The following BRIP1 variants were observed in gnomAD, a reference collection of about 807,000 sequenced individuals.
BRIP1 encodes Fanconi anemia group J protein.
In BRIP1, 88 loss-of-function variants were observed where a neutral mutation model predicts 119.7. The observed-to-expected ratio is 0.74, with a 90% CI of 0.62 to 0.88. BRIP1 has a LOEUF of 0.88. Ranked by LOEUF, BRIP1 falls within the 40% of genes least tolerant of loss-of-function variation. The pLI is 0.00. For missense variants in BRIP1, 1,259 were observed against 1,455.4 expected (o/e 0.87, Z 2.20); for synonymous variants, 443 against 496.5 (o/e 0.89, Z 1.43).
rs2078356064 is a variant in BRIP1, at chr17:61,823,433, A to C, written c.628-14676T>G. Among the ~76,000 whole-genome samples, 1 of 152,244 alleles carries C rather than the reference A, an allele frequency of 6.6e-6. No homozygotes were observed. The highest frequency in any genetic ancestry group is 2.1e-4 in the South Asian group (1 of 4,832). ...GATAACTACATTACTTTACTTCTAC[A>C]GATGAAAACACAATAACTGAAAAGA... On this transcript the variant is annotated intron_variant, in intron 6 of 19. Coordinates refer to ENST00000259008, the MANE Select transcript of BRIP1 (RefSeq NM_032043.3). This position sits in a 1 kb window ranked among gnomAD's most constrained non-coding sequence, Gnocchi z 4.8.
At chr17:61,790,517 G>A (rs2077799315) in intron 10 of BRIP1, among the ~76,000 whole-genome samples, 1 of 152,122 alleles carries the variant, frequency 6.6e-6, no homozygotes, top group Non-Finnish European at 1.5e-5. Flanking sequence ...TTGCACTCCA[G>A]TCTGGGCAAC....
At chr17:61,819,296 C>A (rs2078285422) in intron 6 of BRIP1, among the ~76,000 whole-genome samples, 1 of 151,788 alleles carries the variant, frequency 6.6e-6, no homozygotes, top group South Asian at 2.1e-4. Flanking sequence ...TAGATTAGTA[C>A]AACCACTATC....
At position 61,823,796 on chromosome 17, in the gene BRIP1, A is replaced by ACACACACC. The variant is rs371160215; in HGVS notation, c.628-15040_628-15039insGGTGTGTG. Among the ~76,000 whole-genome samples the ACACACACC allele has an allele frequency of 0.015, 2,180 of 148,922 alleles. 27 individuals carry two copies. The highest frequency in any genetic ancestry group is 0.037 in the African/African-American group (1,472 of 40,024). On this transcript the variant is annotated intron_variant, in intron 6 of 19. Coordinates refer to ENST00000259008, the MANE Select transcript of BRIP1 (RefSeq NM_032043.3). The surrounding 1 kb of genome is among the most constrained non-coding windows in gnomAD (Gnocchi z 4.8). ...CACACACACACACACACACACACACACCTTAGTTGAATTGCTGAAAGCAGA... is the reference window on the plus strand; with the variant it reads ...CACACACACACACACACACACACACACACACACCCCTTAGTTGAATTGCTGAAAGCAGA...
rs1303368963 is a variant in BRIP1, at chr17:61,730,438, G to C, written c.2379+12575C>G. Among the ~76,000 whole-genome samples, 2 of 152,142 alleles carry C rather than the reference G, an allele frequency of 1.3e-5. No homozygotes were observed. The highest frequency in any genetic ancestry group is 1.9e-4 in the East Asian group (1 of 5,194). On this transcript the variant is annotated intron_variant, in intron 16 of 19. Coordinates refer to ENST00000259008, the MANE Select transcript of BRIP1 (RefSeq NM_032043.3). This position sits in a 1 kb window ranked among gnomAD's most constrained non-coding sequence, Gnocchi z 4.3. Reference sequence around the variant, plus strand: ...CAATCCCACCACTGCCCTTAAGGTAGAGCTGCTGATTATGCTCCATGCCAA... The same window carrying C: ...CAATCCCACCACTGCCCTTAAGGTACAGCTGCTGATTATGCTCCATGCCAA...
chr17:61,738,938 T>C lies in BRIP1; in HGVS notation c.2379+4075A>G, dbSNP rs1053642675. ...GATCCTTTCAGGCCTTGTTACTTTG[T>C]ACGTATAATATTTAGTACAACCTAG... On this transcript the variant is annotated intron_variant, in intron 16 of 19. Coordinates refer to ENST00000259008, the MANE Select transcript of BRIP1 (RefSeq NM_032043.3). The surrounding 1 kb of genome is among the most constrained non-coding windows in gnomAD (Gnocchi z 4.2). The C allele has an allele frequency of 1.3e-5, 2 of 153,310 alleles. No individual in the cohort carries two copies. The highest frequency in any genetic ancestry group is 4.8e-5 in the African/African-American group (2 of 41,488). 9.5% of individuals were successfully genotyped at this position (153,310 alleles called of 1,614,324 possible).
Position 61,684,341 on chromosome 17 carries a change from C to A in BRIP1, c.2906-201G>T, listed in dbSNP as rs1055854202. Among the ~76,000 whole-genome samples the A allele has an allele frequency of 6.6e-6, 1 of 152,064 alleles. No homozygotes were observed. Among genetic ancestry groups the A allele is most frequent in the Non-Finnish European group, 1.5e-5 (1 of 68,020 alleles). ...ATCTTAGGTCTCTAATGTTTCCTAG[C>A]CCAAGTTATAATGCTGTCTGGTAAA... On this transcript the variant is annotated intron_variant, in intron 19 of 19. Coordinates refer to ENST00000259008, the MANE Select transcript of BRIP1 (RefSeq NM_032043.3). The surrounding 1 kb of genome is among the most constrained non-coding windows in gnomAD (Gnocchi z 4.5).
chr17:61,747,902 ATT>A (rs35956751), intron 14 of BRIP1, among the ~76,000 whole-genome samples: 7 of 141,124 alleles, frequency 5.0e-5, no homozygotes, highest in Admixed American at 1.4e-4. Flanking sequence ...TGCCCTGGTA[ATT>A]TTTTTTTTTT....
At chr17:61,779,313 A>G (rs534290007) in intron 13 of BRIP1, among the ~76,000 whole-genome samples, 2 of 152,348 alleles carry the variant, frequency 1.3e-5, no homozygotes, top group Admixed American at 6.5e-5. Flanking sequence ...ATGGTAGTAC[A>G]TGCCTGTAGT....
In BRIP1 at chr17:61,725,643, A is replaced by G. The variant is rs1441888843; in HGVS notation, c.2380-9580T>C. Among the ~76,000 whole-genome samples the G allele has an allele frequency of 6.6e-6, 1 of 152,154 alleles. No homozygotes were observed. Among genetic ancestry groups the G allele is most frequent in the Non-Finnish European group, 1.5e-5 (1 of 68,024 alleles). ...AAGTTTTCATTTTTATTTTTTAGAG[A>G]CAAGGTCTTGCTCTGTCACCCAGAA... On this transcript the variant is annotated intron_variant, in intron 16 of 19. Coordinates refer to ENST00000259008, the MANE Select transcript of BRIP1 (RefSeq NM_032043.3). This position sits in a 1 kb window ranked among gnomAD's most constrained non-coding sequence, Gnocchi z 5.3.
Position 61,780,313 on chromosome 17 carries a change from C to A in BRIP1, c.1883G>T (p.Gly628Val), listed in dbSNP as rs1064794907. Residue 628 changes from glycine (G) to valine (V), a missense_variant, in exon 13 of 20, where the codon GGT (glycine) becomes GTT (valine). Coordinates refer to ENST00000259008, the MANE Select transcript of BRIP1 (RefSeq NM_032043.3). This position sits in a 1 kb window ranked among gnomAD's most constrained non-coding sequence, Gnocchi z 5.4. The stretch of plus-strand genomic sequence containing the variant: ...CTCCAGCTGGATAGTAAATGTAACA[C>A]CAAGTTCTGACGAAAAGGATTTCAT... ...SPMKSFSSEL[G>V]VTFTIQLEAN... 1 of 1,612,510 alleles carries A rather than the reference C, an allele frequency of 6.2e-7. No individual in the cohort carries two copies. The highest frequency in any genetic ancestry group is 8.5e-7 in the Non-Finnish European group (1 of 1,178,814).
rs2078914267 is a variant in BRIP1, at chr17:61,857,460, A to G, written c.206-229T>C. Among the ~76,000 whole-genome samples, 2 of 152,310 alleles carry G rather than the reference A, an allele frequency of 1.3e-5. No homozygotes were observed. The highest frequency in any genetic ancestry group is 4.1e-4 in the South Asian group (2 of 4,826). On this transcript the variant is annotated intron_variant, in intron 3 of 19. Transcript: ENST00000259008. This position sits in a 1 kb window ranked among gnomAD's most constrained non-coding sequence, Gnocchi z 5.1. ...AACATTTGGTTGGACACAGTGGCTCACGCCTGTTATCCTAGCACTTTGGGA... is the reference window on the plus strand; with the variant it reads ...AACATTTGGTTGGACACAGTGGCTCGCGCCTGTTATCCTAGCACTTTGGGA...
chr17:61,743,243 T>C lies in BRIP1; in HGVS notation c.2258-109A>G. 1 of 1,344,342 alleles carries C rather than the reference T, an allele frequency of 7.4e-7. No homozygotes were observed. The highest frequency in any genetic ancestry group is 1.0e-6 in the Non-Finnish European group (1 of 959,682). The allele number at this position is 1,344,342 out of a possible 1,614,324, so 83.3% of individuals were successfully genotyped here. A position where few individuals can be genotyped will look rare whatever the true frequency, so the allele number is the denominator to read the frequency against. Reference sequence around the variant, plus strand: ...AGTAATTACAGTAGCAAATTTAAAATAATCAAAATAAAACACTATTATGAG... The same window carrying C: ...AGTAATTACAGTAGCAAATTTAAAACAATCAAAATAAAACACTATTATGAG... On this transcript the variant is annotated intron_variant, in intron 15 of 19. Transcript: ENST00000259008. The surrounding 1 kb of genome is among the most constrained non-coding windows in gnomAD (Gnocchi z 4.3).
At position 61,760,105 on chromosome 17, in the gene BRIP1, T is replaced by G. The variant is rs1450676974; in HGVS notation, c.2098-15514A>C. 6.6e-6 allele frequency among the ~76,000 whole-genome samples: 1 copy of G among 151,854 alleles called. No homozygotes were observed. Among genetic ancestry groups the G allele is most frequent in the Non-Finnish European group, 1.5e-5 (1 of 67,878 alleles). On this transcript the variant is annotated intron_variant, in intron 14 of 19. Coordinates refer to ENST00000259008, the MANE Select transcript of BRIP1 (RefSeq NM_032043.3). The surrounding 1 kb of genome is among the most constrained non-coding windows in gnomAD (Gnocchi z 4.6). ...TATCAAGTATCTTTGCTGGCCACAA[T>G]GGTATAAAACTAGAAATGAGTAACA...
rs1291306526 is a variant in BRIP1, at chr17:61,722,989, G to A, written c.2380-6926C>T. ...AACCCTGAAATGAACTGTATATAAAGGTTAACTTTGAAATAGTTCTTATTA... is the reference window on the plus strand; with the variant it reads ...AACCCTGAAATGAACTGTATATAAAAGTTAACTTTGAAATAGTTCTTATTA... On this transcript the variant is annotated intron_variant, in intron 16 of 19. Transcript: ENST00000259008. This position sits in a 1 kb window ranked among gnomAD's most constrained non-coding sequence, Gnocchi z 4.6. 6.6e-6 allele frequency among the ~76,000 whole-genome samples: 1 copy of A among 151,796 alleles called. No individual in the cohort carries two copies. Among genetic ancestry groups the A allele is most frequent in the South Asian group, 2.1e-4 (1 of 4,816 alleles).
rs575398112 is a variant in BRIP1 at position 61,730,509 on chromosome 17, T to TA, written c.2379+12503dup. On this transcript the variant is annotated intron_variant, in intron 16 of 19. Transcript: ENST00000259008. The surrounding 1 kb of genome is among the most constrained non-coding windows in gnomAD (Gnocchi z 4.3). The stretch of plus-strand genomic sequence containing the variant: ...TCAACCTTACAAGTCCTCAGGGTGA[T>TA]AATTTCACTTTTAAATCCTCCAACC... Among the ~76,000 whole-genome samples, 248 of 152,328 alleles carry TA rather than the reference T, an allele frequency of 1.6e-3. 3 individuals are homozygous for TA. In the South Asian group the frequency reaches 0.043, roughly 26 times the overall value.
rs570749773 is a variant in BRIP1, at chr17:61,753,756, C to T, written c.2098-9165G>A. ...AGCTGGGACTACAGGTATGCACTGC[C>T]ATGTCTGGCTTGAAAAGAACAACAA... On this transcript the variant is annotated intron_variant, in intron 14 of 19. Transcript: ENST00000259008. This position sits in a 1 kb window ranked among gnomAD's most constrained non-coding sequence, Gnocchi z 4.6. 1.1e-4 allele frequency among the ~76,000 whole-genome samples: 16 copies of T among 152,090 alleles called. No individual in the cohort carries two copies. The South Asian group carries it at 3.3e-3, about 32-fold the overall frequency.
rs879546925 is a variant in BRIP1 at position 61,793,212 on chromosome 17, C to T, written c.1473+385G>A. On this transcript the variant is annotated intron_variant, in intron 10 of 19. Transcript: ENST00000259008. This position sits in a 1 kb window ranked among gnomAD's most constrained non-coding sequence, Gnocchi z 5.2. ...TAGTCTTCCAAAGCCTACTCATGAT[C>T]TCTCCATGAATATCAGGTTTATAAT... is the stretch of plus-strand genomic sequence containing the variant. Among the ~76,000 whole-genome samples, 6 of 152,030 alleles carry T rather than the reference C, an allele frequency of 3.9e-5. No homozygotes were observed. Among genetic ancestry groups the T allele is most frequent in the Non-Finnish European group, 7.4e-5 (5 of 67,998 alleles).
rs568738286 is a variant in BRIP1 at position 61,761,066 on chromosome 17, T to C, written c.2097+15335A>G. ...AAAAGAACAATTCAACATGATCAAA[T>C]GGGATTTATCACTGGATGGAAAGAT... On this transcript the variant is annotated intron_variant, in intron 14 of 19. Transcript: ENST00000259008. This position sits in a 1 kb window ranked among gnomAD's most constrained non-coding sequence, Gnocchi z 6.4. Among the ~76,000 whole-genome samples the C allele has an allele frequency of 6.6e-6, 1 of 152,148 alleles. No individual in the cohort carries two copies. Among genetic ancestry groups the C allele is most frequent in the South Asian group, 2.1e-4 (1 of 4,830 alleles).
rs1219697544 is a variant in BRIP1 at position 61,680,393 on chromosome 17, T to A, written c.*2903A>T. Among the ~76,000 whole-genome samples, 1 of 150,924 alleles carries A rather than the reference T, an allele frequency of 6.6e-6. No homozygotes were observed. The highest frequency in any genetic ancestry group is 1.5e-5 in the Non-Finnish European group (1 of 67,780). On this transcript the variant is annotated 3_prime_UTR_variant, in exon 20 of 20. Transcript: ENST00000259008. ...ATATCTAGCTAGGGAAAGGGGAAAG[T>A]ATTGGAGATGAAGTTGGGTAATAAC...
Sources: gnomAD v4.1 joint callset for allele counts (sites outside exome capture counted in the v4.1 genomes callset) on GRCh38, gnomAD v4.1.1 for gene constraint, Gnocchi (gnomAD v3.1) non-coding constraint, MANE v1.5 for transcripts, NCBI Gene and HGNC (gene_info 2026-07-23, HGNC 2026-07-21) for gene names.